OPRK1: variants seen among roughly 807,000 people sequenced by gnomAD.
The protein encoded by OPRK1 is kappa-type opioid receptor.
OPRK1 carries 15 observed loss-of-function variants against 24.5 expected under a neutral mutation model. That is an observed-to-expected ratio of 0.61 (90% CI 0.41 to 0.94). OPRK1 has a LOEUF of 0.94. Ranked by LOEUF, OPRK1 falls within the 40% of genes least tolerant of loss-of-function variation. The probability of loss-of-function intolerance (pLI) is 0.00; values close to 1 mark genes in which losing one functional copy is unlikely to be tolerated. For missense variants in OPRK1, 479 were observed against 507.3 expected (o/e 0.94, Z 0.54); for synonymous variants, 205 against 198.0 (o/e 1.04, Z -0.30).
rs765702972 is a variant in OPRK1, at chr8:53,229,702, G to T, written c.738C>A (p.Tyr246Ter). 6.2e-7 allele frequency: 1 copy of T among 1,614,176 alleles called. No homozygotes were observed. The highest frequency in any genetic ancestry group is 1.7e-5 in the Admixed American group (1 of 60,022). ...VIPVLIIIVC[Y>*]TLMILRLKSV... ...TCTTGAGACGCAGGATCATCAGGGTGTAGCAGACGATGATGATGAGGACAG... is the reference window on the plus strand; with the variant it reads ...TCTTGAGACGCAGGATCATCAGGGTTTAGCAGACGATGATGATGAGGACAG... Residue 246 changes from tyrosine to a stop codon, truncating the protein, a stop_gained, in exon 4 of 4, where the codon TAC (tyrosine) becomes TAA (stop). Coordinates refer to ENST00000265572, the MANE Select transcript of OPRK1 (RefSeq NM_000912.5). LOFTEE classifies it high-confidence loss of function.
chr8:53,237,475 A>G (rs1807021306), intron 2 of OPRK1, among the ~76,000 whole-genome samples: 1 of 152,202 alleles, frequency 6.6e-6, no homozygotes, highest in Non-Finnish European at 1.5e-5. Context: ...ACAGGCAATA[A>G]TCACACTGAC....
rs1320918539 is a variant in OPRK1, at chr8:53,227,791, G to T, written c.*1506C>A. 1.3e-5 allele frequency: 2 copies of T among 151,820 alleles called. No individual in the cohort carries two copies. Among genetic ancestry groups the T allele is most frequent in the Non-Finnish European group, 2.9e-5 (2 of 67,990 alleles). The allele number at this position is 151,820 out of a possible 1,614,324, so 9.4% of individuals were successfully genotyped here. On this transcript the variant is annotated 3_prime_UTR_variant, in exon 4 of 4. Coordinates refer to ENST00000265572, the MANE Select transcript of OPRK1 (RefSeq NM_000912.5). ...CCACCGAGAACTTGCATGGTGAACA[G>T]AACTTAACAGTTGTAATGATGTCTG...
At chr8:53,242,673 A>C (rs1378941370) in intron 2 of OPRK1, 2 of 372,808 alleles carry the variant, frequency 5.4e-6, no homozygotes, top group South Asian at 4.5e-5. Context: ...CGCCCGGCTA[A>C]TTTTTTGTAT....
intron 2 of OPRK1, among the ~76,000 whole-genome samples, chr8:53,239,554 G>A (rs749386042): frequency 1.3e-5 from 2 of 152,174 alleles, no homozygotes; most frequent in Non-Finnish European, 2.9e-5. Flanking sequence ...AGAGGGCCCT[G>A]AACACCAGAA....
chr8:53,229,343 T>C lies in OPRK1; in HGVS notation c.1097A>G (p.Asp366Gly), dbSNP rs749254952. 1 of 1,614,180 alleles carries C rather than the reference T, an allele frequency of 6.2e-7. No individual in the cohort carries two copies. The highest frequency in any genetic ancestry group is 8.5e-7 in the Non-Finnish European group (1 of 1,180,030). ...ATCGATGTCCCTCAGGTAAGCAGGATCCTGAACTGTATTTCGGACTCTGCT... is the reference window on the plus strand; with the variant it reads ...ATCGATGTCCCTCAGGTAAGCAGGACCCTGAACTGTATTTCGGACTCTGCT... ...STSRVRNTVQ[D>G]PAYLRDIDGM... Residue 366 changes from aspartate to glycine, a missense_variant, in exon 4 of 4, where the codon GAT becomes GGT. By Grantham distance (94) the Asp-to-Gly change is moderately conservative. Transcript: ENST00000265572.
chr8:53,232,476 T>A (rs981872184), intron 3 of OPRK1, among the ~76,000 whole-genome samples: 37 of 152,236 alleles, frequency 2.4e-4, no homozygotes, highest in African/African-American at 8.2e-4. Flanking sequence ...ACACATTGTA[T>A]GCTTGTATCA....
chr8:53,230,929 A>G (rs1806837019), intron 3 of OPRK1, among the ~76,000 whole-genome samples: 1 of 152,238 alleles, frequency 6.6e-6, no homozygotes, highest in Admixed American at 6.5e-5. Flanking sequence ...TTAAATAGCA[A>G]AACAGCTCTA....
intron 2 of OPRK1, among the ~76,000 whole-genome samples, chr8:53,235,875 G>A (rs1806980250): frequency 6.6e-6 from 1 of 152,162 alleles, no homozygotes. Flanking sequence ...TTATGCCTGA[G>A]TTATTCTTTA....
At chr8:53,246,915 A>G (rs1807242941) in intron 2 of OPRK1, among the ~76,000 whole-genome samples, 2 of 152,274 alleles carry the variant, frequency 1.3e-5, no homozygotes, top group South Asian at 4.1e-4. Flanking sequence ...TCTTTCTGGA[A>G]AACAGAAGAG....
chr8:53,234,659 A>G (rs867688159), intron 3 of OPRK1, 100 bp downstream of exon 3: 1 of 1,062,474 alleles, frequency 9.4e-7, no homozygotes, highest in Non-Finnish European at 1.4e-6. Context: ...GTCTTTTGGC[A>G]TCGATTTCCA....
chr8:53,236,329 C>T (rs980038062), intron 2 of OPRK1, among the ~76,000 whole-genome samples: 1 of 152,144 alleles, frequency 6.6e-6, no homozygotes, highest in Non-Finnish European at 1.5e-5. Flanking sequence ...CAGTAGATGG[C>T]CTGATGCACA....
chr8:53,237,205 T>C (rs148712503), intron 2 of OPRK1, among the ~76,000 whole-genome samples: 68 of 152,254 alleles, frequency 4.5e-4, no homozygotes, highest in African/African-American at 1.6e-3. Flanking sequence ...GTAACATCCA[T>C]GGTCATATTT....
At chr8:53,242,084 C>T (rs189086008) in intron 2 of OPRK1, among the ~76,000 whole-genome samples, 1 of 152,310 alleles carries the variant, frequency 6.6e-6, no homozygotes, top group Non-Finnish European at 1.5e-5. Context: ...CACAACTACC[C>T]GGATGCCTAG....
intron 2 of OPRK1, among the ~76,000 whole-genome samples, chr8:53,244,526 G>A (rs1021064083): frequency 6.6e-6 from 1 of 152,174 alleles, no homozygotes; most frequent in Admixed American, 6.5e-5. Context: ...CCCAGAGGAA[G>A]GTTCGTGAGA....
Position 53,226,761 on chromosome 8 carries a change from C to A in OPRK1, c.*2536G>T, listed in dbSNP as rs1242992877. 7.7e-6 allele frequency: 1 copy of A among 130,564 alleles called. No homozygotes were observed. The highest frequency in any genetic ancestry group is 1.6e-5 in the Non-Finnish European group (1 of 62,950). The allele number at this position is 130,564 out of a possible 1,614,324, so 8.1% of individuals were successfully genotyped here. A position where few individuals can be genotyped will look rare whatever the true frequency, so the allele number is the denominator to read the frequency against. ...CTTTATCATTCCTTTAAAGCAGTAC[C>A]CTAAAATGATATTCCCTTCTTCACT... On this transcript the variant is annotated 3_prime_UTR_variant, in exon 4 of 4. Coordinates refer to ENST00000265572, the MANE Select transcript of OPRK1 (RefSeq NM_000912.5).
chr8:53,236,614 T>A (rs557909545), intron 2 of OPRK1, among the ~76,000 whole-genome samples: 3 of 152,226 alleles, frequency 2.0e-5, no homozygotes, highest in African/African-American at 7.2e-5. Flanking sequence ...TAAACATGGA[T>A]GGCCAAGTTC....
rs202062747 is a variant in OPRK1 at position 53,229,615 on chromosome 8, C to T, written c.825G>A (p.Leu275=). The change falls in exon 4 of 4, where the codon CTG becomes CTA. Residue 275 remains leucine (L), a synonymous_variant. Coordinates refer to ENST00000265572, the MANE Select transcript of OPRK1 (RefSeq NM_000912.5). ...KDRNLRRITR[L]VLVVVAVFVV... ...CGAAGACTGCCACCACCACCAGGACCAGTCTGGTGATCCTACGCAGGTTGC... is the reference window on the plus strand; with the variant it reads ...CGAAGACTGCCACCACCACCAGGACTAGTCTGGTGATCCTACGCAGGTTGC... 3 of 1,613,910 alleles carry T rather than the reference C, an allele frequency of 1.9e-6. No homozygotes were observed. Among genetic ancestry groups the T allele is most frequent in the Admixed American group, 1.7e-5 (1 of 59,996 alleles).
At chr8:53,231,058 C>G (rs1442375909) in intron 3 of OPRK1, among the ~76,000 whole-genome samples, 2 of 151,972 alleles carry the variant, frequency 1.3e-5, no homozygotes, top group Non-Finnish European at 2.9e-5. Context: ...TTAATAAAGA[C>G]TATCTTAGAG....
chr8:53,250,855 G>T lies in OPRK1; in HGVS notation c.183C>A (p.Ile61=), dbSNP rs1460424387. The T allele has an allele frequency of 2.5e-6, 4 of 1,613,378 alleles. No individual in the cohort carries two copies. The highest frequency in any genetic ancestry group is 2.2e-5 in the East Asian group (1 of 44,846). The change falls in exon 2 of 4, where the codon ATC becomes ATA. Residue 61 remains isoleucine, a synonymous_variant. Coordinates refer to ENST00000265572, the MANE Select transcript of OPRK1 (RefSeq NM_000912.5). ...ACACTACGGAGTAGACCGCCGTGAT[G>T]ATGACCGGGATGGCCGGGGAGATGT... ...PAHISPAIPV[I]ITAVYSVVFV...
Sources: allele counts gnomAD v4.1 joint callset (sites outside exome capture counted in the v4.1 genomes callset), GRCh38; gene constraint gnomAD v4.1.1; transcripts MANE v1.5; gene names NCBI Gene and HGNC (gene_info 2026-07-23, HGNC 2026-07-21).